Variants in SP140L observed in about 807,000 individuals in gnomAD.
SP140L encodes nuclear body protein SP140-like protein.
SP140L carries 64 observed loss-of-function variants against 84.3 expected under a neutral mutation model. The observed-to-expected ratio is 0.76, with a 90% CI of 0.62 to 0.94. The LOEUF (loss-of-function observed/expected upper bound fraction) is 0.94. SP140L is among the 40% of genes least tolerant of loss of function. The probability of loss-of-function intolerance (pLI) is 0.00; values close to 1 mark genes in which losing one functional copy is unlikely to be tolerated. For missense variants in SP140L, 628 were observed against 692.5 expected (o/e 0.91, Z 1.05); for synonymous variants, 242 against 236.9 (o/e 1.02, Z -0.20).
At chr2:230,327,964 T>C (rs1461729416) in intron 1 of SP140L, among the ~76,000 whole-genome samples, 4 of 152,196 alleles carry the variant, frequency 2.6e-5, no homozygotes, top group African/African-American at 9.7e-5. Context: ...CAATTTCCTG[T>C]CCCAAGATGG....
At chr2:230,401,956 A>C in intron 18 of SP140L, 149 bp downstream of exon 18, 1 of 997,432 alleles carries the variant, frequency 1.0e-6, no homozygotes, top group Admixed American at 2.7e-5. Context: ...TTCAGAACTT[A>C]AGCTCTTCTT....
chr2:230,355,197 C>T (rs2060505821), intron 2 of SP140L, among the ~76,000 whole-genome samples: 1 of 152,022 alleles, frequency 6.6e-6, no homozygotes, highest in African/African-American at 2.4e-5. Context: ...TATTTATTTT[C>T]TTTAAAATAT....
intron 10 of SP140L, among the ~76,000 whole-genome samples, chr2:230,389,460 G>C (rs960758872): frequency 6.6e-6 from 1 of 152,098 alleles, no homozygotes; most frequent in Non-Finnish European, 1.5e-5. Flanking sequence ...GGCAGGTGCT[G>C]TCTCCATTAG....
intron 2 of SP140L, among the ~76,000 whole-genome samples, chr2:230,336,660 C>G (rs2059891608): frequency 6.6e-6 from 1 of 152,180 alleles, no homozygotes; most frequent in Admixed American, 6.5e-5. Flanking sequence ...AAATCTTTAA[C>G]TTGATTTAAT....
At chr2:230,354,898 G>GAAAGA (rs1193328145) in intron 2 of SP140L, among the ~76,000 whole-genome samples, 7 of 77,692 alleles carry the variant, frequency 9.0e-5, no homozygotes, top group African/African-American at 9.6e-5. Context: ...AGAAAGAAAG[G>GAAAGA]AAAGAGAAAG....
chr2:230,392,394 T>C (rs2061855319), intron 12 of SP140L, among the ~76,000 whole-genome samples, 165 bp downstream of exon 12: 1 of 152,174 alleles, frequency 6.6e-6, no homozygotes, highest in Non-Finnish European at 1.5e-5. Flanking sequence ...ATAACCACAC[T>C]ACAGTGCAAC....
intron 2 of SP140L, among the ~76,000 whole-genome samples, chr2:230,355,507 A>G (rs1300778283): frequency 6.6e-6 from 1 of 152,210 alleles, no homozygotes; most frequent in Non-Finnish European, 1.5e-5. Flanking sequence ...AATCAAACCC[A>G]AGAAAAATCC....
intron 14 of SP140L, among the ~76,000 whole-genome samples, chr2:230,397,710 G>A (rs1407066775): frequency 6.6e-6 from 1 of 152,162 alleles, no homozygotes; most frequent in African/African-American, 2.4e-5. Flanking sequence ...AGTTAGCAGA[G>A]GAGGGATGCT....
At chr2:230,398,288 T>C (rs964956511) in intron 14 of SP140L, among the ~76,000 whole-genome samples, 7 of 152,284 alleles carry the variant, frequency 4.6e-5, no homozygotes, top group African/African-American at 1.4e-4. Context: ...GGTGTTGGGT[T>C]CAGGACATTA....
chr2:230,386,932 C>T (rs1361014517), intron 9 of SP140L, among the ~76,000 whole-genome samples: 1 of 152,190 alleles, frequency 6.6e-6, no homozygotes, highest in East Asian at 1.9e-4. Context: ...GATATGACAT[C>T]TGGATCTATT....
At chr2:230,394,461 A>T (rs899817653) in intron 13 of SP140L, among the ~76,000 whole-genome samples, 1 of 152,180 alleles carries the variant, frequency 6.6e-6, no homozygotes, top group Admixed American at 6.5e-5. Flanking sequence ...ACATTATCTG[A>T]TATACTGGCT....
At position 230,401,235 on chromosome 2, in the gene SP140L, A is replaced by G. The variant is rs990576543; in HGVS notation, c.1423-131A>G. On this transcript the variant is annotated intron_variant, in intron 16 of 18. Transcript: ENST00000415673. ...GCACAAAAAATAACTCAGCCATGAC[A>G]TGTCTGTTTCCAAGAGCCACACATG... is the stretch of plus-strand genomic sequence containing the variant. 21 of 1,348,644 alleles carry G rather than the reference A, an allele frequency of 1.6e-5. No homozygotes were observed. In the African/African-American group the frequency reaches 3.0e-4, roughly 19 times the overall value. The allele number at this position is 1,348,644 out of a possible 1,614,324, so 83.5% of individuals were successfully genotyped here.
chr2:230,345,545 G>A (rs576942309), intron 2 of SP140L, among the ~76,000 whole-genome samples: 102 of 149,042 alleles, frequency 6.8e-4, no homozygotes, highest in Non-Finnish European at 1.3e-3. Flanking sequence ...TTGTATTCTG[G>A]CTGTTTTGTA....
intron 18 of SP140L, among the ~76,000 whole-genome samples, chr2:230,402,564 A>C (rs2062399089): frequency 1.3e-5 from 2 of 152,240 alleles, no homozygotes; most frequent in Non-Finnish European, 1.5e-5. Flanking sequence ...TTCTCACCAC[A>C]AAAAATGATG....
chr2:230,357,900 TA>T lies in SP140L; in HGVS notation c.209del (p.Lys70ArgfsTer68), dbSNP rs780647259. The T allele has an allele frequency of 4.3e-6, 7 of 1,613,860 alleles. No individual in the cohort carries two copies. Among genetic ancestry groups the T allele is most frequent in the Non-Finnish European group, 5.9e-6 (7 of 1,179,918 alleles). ...CATAAGCTGGAGATATCAAATGCAA[TA>T]AAAAAGACATTTCCATTCCTTGAGG... Reference protein sequence around the residue: ...KRHKLEISNAIKKTFPFLEGL... With the variant: ...KRHKLEISNAXKKTFPFLEGL... On this transcript the variant is annotated frameshift_variant, in exon 3 of 19. Transcript: ENST00000415673. LOFTEE classifies it high-confidence loss of function.
chr2:230,348,533 T>C (rs2060276074), intron 2 of SP140L, among the ~76,000 whole-genome samples: 1 of 152,350 alleles, frequency 6.6e-6, no homozygotes, highest in African/African-American at 2.4e-5. Context: ...TTCGGAGAAA[T>C]ATCTGTTCAA....
intron 2 of SP140L, among the ~76,000 whole-genome samples, chr2:230,345,056 A>G (rs775366345): frequency 2.0e-5 from 3 of 152,060 alleles, no homozygotes; most frequent in Admixed American, 6.5e-5. Flanking sequence ...AATCCTTATG[A>G]TTTTCTGTCT....
At chr2:230,396,709 A>C (rs2062064959) in intron 13 of SP140L, 48 bp from the exon 14 acceptor site, 1 of 1,594,916 alleles carries the variant, frequency 6.3e-7, no homozygotes, top group Non-Finnish European at 8.6e-7. Context: ...TGATAGATGG[A>C]AACAATGCAT....
chr2:230,393,329 A>G lies in SP140L; in HGVS notation c.1108-85A>G, dbSNP rs1433558034. ...AGCTGGCATTGGAACACTCAGGTAG[A>G]AGTATTTGGGAAGAGGTTGGAAATG... On this transcript the variant is annotated intron_variant, in intron 12 of 18. Transcript: ENST00000415673. 2.0e-5 allele frequency: 28 copies of G among 1,432,096 alleles called. No homozygotes were observed. In the East Asian group the frequency reaches 7.4e-4, roughly 38 times the overall value. 88.7% of individuals were successfully genotyped at this position (1,432,096 alleles called of 1,614,324 possible). A position where few individuals can be genotyped will look rare whatever the true frequency, so the allele number is the denominator to read the frequency against.
Sources: allele counts gnomAD v4.1 joint callset (sites outside exome capture counted in the v4.1 genomes callset), GRCh38; gene constraint gnomAD v4.1.1; transcripts MANE v1.5; gene names NCBI Gene and HGNC (gene_info 2026-07-23, HGNC 2026-07-21).